Variants in FGGY observed in about 807,000 individuals in gnomAD.
FGGY encodes the protein FGGY carbohydrate kinase domain containing, also known as FGGY carbohydrate kinase domain-containing protein.
Under a neutral mutation model 71.3 loss-of-function variants are expected in FGGY, and 72 were observed. The ratio of observed to expected loss-of-function variants is 1.01; its 90% CI spans 0.84 to 1.23. The LOEUF is 1.23. Ranked by LOEUF, FGGY falls within the 50% of genes most tolerant of loss-of-function variation. The probability of loss-of-function intolerance (pLI) is 0.00; values close to 1 mark genes in which losing one functional copy is unlikely to be tolerated. For missense variants in FGGY, 668 were observed against 682.3 expected, an observed-to-expected ratio of 0.98 and a Z score of 0.23; for synonymous variants, 251 against 250.3, an observed-to-expected ratio of 1.00 and a Z score of -0.02.
chr1:59,564,926 A>C (rs1348468054), intron 8 of FGGY, among the ~76,000 whole-genome samples: 2 of 152,172 alleles, frequency 1.3e-5, no homozygotes, highest in African/African-American at 2.4e-5. Context: ...TCCACAAAAG[A>C]CTGCAAGTTG....
At chr1:59,714,690 C>A (rs1443653673) in intron 14 of FGGY, among the ~76,000 whole-genome samples, 1 of 151,718 alleles carries the variant, frequency 6.6e-6, no homozygotes, top group Non-Finnish European at 1.5e-5. Context: ...TTAGATGGGA[C>A]TTTGGAGTGA....
intron 14 of FGGY, among the ~76,000 whole-genome samples, chr1:59,707,157 C>T (rs2097762698): frequency 6.6e-6 from 1 of 152,200 alleles, no homozygotes; most frequent in Non-Finnish European, 1.5e-5. Context: ...CAGGATTTAT[C>T]TGCAGCAGTG....
At chr1:59,371,169 A>T (rs181390897) in intron 4 of FGGY, among the ~76,000 whole-genome samples, 1 of 152,200 alleles carries the variant, frequency 6.6e-6, no homozygotes, top group Non-Finnish European at 1.5e-5. Flanking sequence ...CCCATCTCAC[A>T]TGCAGAGACA....
chr1:59,656,053 C>T (rs879526641), intron 11 of FGGY, among the ~76,000 whole-genome samples: 1 of 152,054 alleles, frequency 6.6e-6, no homozygotes, highest in Admixed American at 6.6e-5. Flanking sequence ...TTGTTTTGGC[C>T]ATTATATATA....
At chr1:59,496,709 CAAAT>C (rs1453133832) in intron 6 of FGGY, among the ~76,000 whole-genome samples, 2 of 151,806 alleles carry the variant, frequency 1.3e-5, no homozygotes, top group African/African-American at 2.4e-5. Context: ...AATAGATGAA[CAAAT>C]AAATAAATAA....
chr1:59,636,907 C>CT (rs1233102917), intron 10 of FGGY, among the ~76,000 whole-genome samples: 1 of 152,082 alleles, frequency 6.6e-6, no homozygotes, highest in Non-Finnish European at 1.5e-5. Context: ...ATTTCCTATA[C>CT]TTTTTTTTCT....
intron 5 of FGGY, among the ~76,000 whole-genome samples, chr1:59,380,127 A>G (rs1468456201): frequency 6.6e-6 from 1 of 151,652 alleles, no homozygotes. Flanking sequence ...ACATGAACTC[A>G]TCCTTTCTTA....
chr1:59,341,976 G>A (rs1394288108), intron 3 of FGGY, among the ~76,000 whole-genome samples: 1 of 152,118 alleles, frequency 6.6e-6, no homozygotes, highest in African/African-American at 2.4e-5. Context: ...GTGGGGTGGT[G>A]TTGGGGGCAG....
chr1:59,379,162 A>AAC (rs55986439), intron 5 of FGGY, among the ~76,000 whole-genome samples: 14,424 of 143,168 alleles, frequency 0.1, 1,245 homozygotes, highest in African/African-American at 0.24. Context: ...GGAAAAAATA[A>AAC]ACACACACAC....
At position 59,461,965 on chromosome 1, in the gene FGGY, A is replaced by T. The variant is rs190295606; in HGVS notation, c.670+4889A>T. Among the ~76,000 whole-genome samples the T allele has an allele frequency of 3.2e-3, 489 of 151,686 alleles. 3 individuals carry two copies. Among genetic ancestry groups the T allele is most frequent in the African/African-American group, 0.011 (455 of 41,292 alleles). ...AGCATTAGGTATATCTCCTAATGCT[A>T]TCCCTCCCTCCTCCCCCCACCCCAC... On this transcript the variant is annotated intron_variant, in intron 6 of 15. Coordinates refer to ENST00000303721, the MANE Select transcript of FGGY (RefSeq NM_018291.5).
chr1:59,446,101 A>G (rs2071180294), intron 5 of FGGY, among the ~76,000 whole-genome samples: 1 of 152,218 alleles, frequency 6.6e-6, no homozygotes, highest in Non-Finnish European at 1.5e-5. Context: ...GTAAGCTGTC[A>G]CTTGTTTTCT....
chr1:59,363,658 G>A (rs6693618), intron 4 of FGGY, among the ~76,000 whole-genome samples: 58 of 152,192 alleles, frequency 3.8e-4, no homozygotes, highest in African/African-American at 1.4e-3. Context: ...CAGAACTGCT[G>A]TTGGACCAGT....
chr1:59,338,275 A>G (rs771040084), intron 2 of FGGY, among the ~76,000 whole-genome samples: 14 of 152,134 alleles, frequency 9.2e-5, no homozygotes, highest in Non-Finnish European at 1.3e-4. Context: ...TATGTTCATG[A>G]TAAATATTAG....
intron 8 of FGGY, among the ~76,000 whole-genome samples, chr1:59,583,930 G>C (rs565855746): frequency 8.6e-6 from 1 of 116,312 alleles, no homozygotes; most frequent in South Asian, 4.3e-4. Flanking sequence ...CTGCTGCTCG[G>C]AAGTGTCGAC....
chr1:59,372,223 G>A (rs1262477482), intron 4 of FGGY, among the ~76,000 whole-genome samples: 2 of 152,116 alleles, frequency 1.3e-5, no homozygotes, highest in South Asian at 2.1e-4. Context: ...ATGATAAAGG[G>A]AATATCACCA....
chr1:59,514,416 A>G (rs757709515), intron 7 of FGGY, among the ~76,000 whole-genome samples: 1 of 152,166 alleles, frequency 6.6e-6, no homozygotes, highest in Non-Finnish European at 1.5e-5. Flanking sequence ...AGGACTCACT[A>G]TGTCCTCCAG....
chr1:59,505,256 T>C (rs374782028), intron 6 of FGGY, among the ~76,000 whole-genome samples: 1 of 152,228 alleles, frequency 6.6e-6, no homozygotes, highest in Non-Finnish European at 1.5e-5. Flanking sequence ...AGTAAGCTAC[T>C]TGAGCGTAGG....
chr1:59,566,851 A>T (rs1200040460), intron 8 of FGGY, among the ~76,000 whole-genome samples: 1 of 152,160 alleles, frequency 6.6e-6, no homozygotes, highest in Non-Finnish European at 1.5e-5. Context: ...AGAACTGAGT[A>T]TAGTGATGTT....
chr1:59,674,025 C>T lies in FGGY; in HGVS notation c.1418-14C>T, dbSNP rs993184671. The stretch of plus-strand genomic sequence containing the variant: ...CTCTGCTCCCTAACCAAGGTGTGGC[C>T]TTGTCCTGCGCAGGCATGCCTGTGG... On this transcript the variant is annotated splice_polypyrimidine_tract_variant and intron_variant, in intron 13 of 15. Transcript: ENST00000303721. The T allele has an allele frequency of 4.3e-6, 7 of 1,611,552 alleles. No homozygotes were observed. In the African/African-American group the frequency reaches 9.3e-5, roughly 22 times the overall value.
Sources: gnomAD v4.1 joint callset for allele counts (sites outside exome capture counted in the v4.1 genomes callset) on GRCh38, gnomAD v4.1.1 for gene constraint, MANE v1.5 for transcripts, NCBI Gene and HGNC (gene_info 2026-07-23, HGNC 2026-07-21) for gene names.